The following CSMD3 variants were observed in gnomAD, a reference collection of about 807,000 sequenced individuals.
The protein encoded by CSMD3 is CUB and Sushi multiple domains 3, also known as CUB and sushi domain-containing protein 3.
In CSMD3, 177 loss-of-function variants were observed where a neutral mutation model predicts 435.2. That is an observed-to-expected ratio of 0.41 (90% confidence interval 0.36 to 0.46). The LOEUF (loss-of-function observed/expected upper bound fraction) is 0.46, where lower values mean the gene tolerates loss of function less well. Ranked by LOEUF, CSMD3 falls within the 20% of genes least tolerant of loss-of-function variation. CSMD3 has a pLI of 0.34. For missense variants in CSMD3, 4,265 were observed against 4,504.6 expected (o/e 0.95, Z 1.52); for synonymous variants, 1,656 against 1,520.5 (o/e 1.09, Z -2.07).
At chr8:113,018,983 G>C in intron 6 of CSMD3, 84 bp downstream of exon 6, 2 of 917,822 alleles carry the variant, frequency 2.2e-6, no homozygotes, top group Non-Finnish European at 3.6e-6. Context: ...AAATGCTAAA[G>C]ACATTTTTCT....
At chr8:113,073,279 C>A (rs140289964) in intron 5 of CSMD3, among the ~76,000 whole-genome samples, 209 of 151,850 alleles carry the variant, frequency 1.4e-3, no homozygotes, top group African/African-American at 4.9e-3. Flanking sequence ...TAAGTCAATA[C>A]AGTGACTTTT....
At chr8:113,208,853 C>A (rs2092800801) in intron 3 of CSMD3, among the ~76,000 whole-genome samples, 1 of 151,868 alleles carries the variant, frequency 6.6e-6, no homozygotes, top group Admixed American at 6.6e-5. Flanking sequence ...TGTTTATACA[C>A]TTAAGTTGAT....
intron 58 of CSMD3, among the ~76,000 whole-genome samples, chr8:112,285,890 T>C (rs1819148071): frequency 6.6e-6 from 1 of 151,910 alleles, no homozygotes; most frequent in Non-Finnish European, 1.5e-5. Context: ...GGCTAATTTT[T>C]AAGATTTTTG....
intron 8 of CSMD3, among the ~76,000 whole-genome samples, chr8:112,948,849 C>T (rs2083705822): frequency 6.6e-6 from 1 of 151,900 alleles, no homozygotes; most frequent in Admixed American, 6.6e-5. Context: ...CTACTTCTAC[C>T]TCTAGATATT....
chr8:112,815,074 G>A (rs2079335309), intron 12 of CSMD3, among the ~76,000 whole-genome samples: 5 of 151,192 alleles, frequency 3.3e-5, no homozygotes, highest in Admixed American at 2.6e-4. Flanking sequence ...CTAAAATGAC[G>A]ATGATTAGAA....
rs71309788 is a variant in CSMD3 at position 112,747,962 on chromosome 8, C to CAAAAAAAA, written c.1972+52192_1972+52199dup. On this transcript the variant is annotated intron_variant, in intron 13 of 70. Transcript: ENST00000297405. The stretch of plus-strand genomic sequence containing the variant: ...TGGGCGACAGAACAAGACTCCGTCT[C>CAAAAAAAA]AAAAAAAAAAAAAAAAAAAAAAAAC... Among the ~76,000 whole-genome samples the CAAAAAAAA allele has an allele frequency of 1.3e-3, 127 of 96,732 alleles. 3 individuals are homozygous for CAAAAAAAA. Among genetic ancestry groups the CAAAAAAAA allele is most frequent in the African/African-American group, 4.6e-3 (120 of 25,970 alleles). The allele number at this position is 96,732 out of a possible 152,430, so 63.5% of individuals were successfully genotyped here. A position where few individuals can be genotyped will look rare whatever the true frequency, so the allele number is the denominator to read the frequency against.
chr8:113,167,956 T>C (rs1355766540), intron 4 of CSMD3, among the ~76,000 whole-genome samples: 1 of 152,176 alleles, frequency 6.6e-6, no homozygotes, highest in African/African-American at 2.4e-5. Flanking sequence ...TAAAACATTT[T>C]CTGAAATAAT....
chr8:113,057,920 G>A (rs1434640297), intron 5 of CSMD3, among the ~76,000 whole-genome samples: 6 of 151,656 alleles, frequency 4.0e-5, no homozygotes, highest in Admixed American at 1.3e-4. Context: ...ATTGTAATAC[G>A]TGTCCTAAAT....
intron 23 of CSMD3, among the ~76,000 whole-genome samples, chr8:112,583,533 A>G (rs7832120): frequency 0.012 from 1,756 of 152,066 alleles, 35 homozygotes; most frequent in African/African-American, 0.04. Flanking sequence ...CTGCAGTGTC[A>G]AGTGAAATCC....
intron 1 of CSMD3, among the ~76,000 whole-genome samples, chr8:113,387,971 G>A (rs1459082272): frequency 6.6e-6 from 1 of 151,610 alleles, no homozygotes; most frequent in Non-Finnish European, 1.5e-5. Context: ...TCAGGGAGAA[G>A]AACCAGAAGC....
intron 46 of CSMD3, among the ~76,000 whole-genome samples, chr8:112,319,330 C>A (rs868397256): frequency 2.6e-5 from 4 of 151,888 alleles, no homozygotes; most frequent in Non-Finnish European, 5.9e-5. Context: ...GTGTCTCAAC[C>A]AAAATCAATA....
At chr8:113,300,444 G>C (rs1057034789) in intron 2 of CSMD3, among the ~76,000 whole-genome samples, 1 of 152,116 alleles carries the variant, frequency 6.6e-6, no homozygotes, top group African/African-American at 2.4e-5. Context: ...ACCTAAGCAT[G>C]CATCAACAGT....
Position 113,288,117 on chromosome 8 carries a change from TAGATA to T in CSMD3, c.402-9418_402-9414del, listed in dbSNP as rs530856306. On this transcript the variant is annotated intron_variant, in intron 2 of 70. Transcript: ENST00000297405. ...GTTACAGTAATATGCAAATAATTCT[TAGATA>T]AGATGATATTGACAGTATATTCTTA... Among the ~76,000 whole-genome samples, 10 of 152,014 alleles carry T rather than the reference TAGATA, an allele frequency of 6.6e-5. No individual in the cohort carries two copies. The South Asian group carries it at 2.1e-3, about 31-fold the overall frequency.
At chr8:113,361,265 T>C (rs1588598123) in intron 1 of CSMD3, among the ~76,000 whole-genome samples, 1 of 152,168 alleles carries the variant, frequency 6.6e-6, no homozygotes, top group Non-Finnish European at 1.5e-5. Flanking sequence ...TTAAATTCAG[T>C]GCTCATACAT....
intron 10 of CSMD3, among the ~76,000 whole-genome samples, chr8:112,894,320 G>A (rs905836734): frequency 2.0e-5 from 3 of 151,492 alleles, no homozygotes; most frequent in African/African-American, 7.3e-5. Context: ...AGAGTGGAAT[G>A]TGAAACCCAT....
intron 47 of CSMD3, among the ~76,000 whole-genome samples, chr8:112,316,566 C>G (rs1477230480): frequency 6.6e-6 from 1 of 151,582 alleles, no homozygotes; most frequent in African/African-American, 2.4e-5. Context: ...TGACAGCCAC[C>G]AAGAATAACA....
chr8:113,083,454 G>GC (rs1000318652), intron 5 of CSMD3, among the ~76,000 whole-genome samples: 1 of 151,934 alleles, frequency 6.6e-6, no homozygotes, highest in Non-Finnish European at 1.5e-5. Flanking sequence ...TCTTTCCCAA[G>GC]CAAGCAGAAA....
chr8:113,322,642 T>C (rs56340334), intron 1 of CSMD3, among the ~76,000 whole-genome samples: 1 of 152,170 alleles, frequency 6.6e-6, no homozygotes, highest in African/African-American at 2.4e-5. Flanking sequence ...AAAATTTTGA[T>C]TGGGATTATT....
chr8:112,855,194 A>T (rs540218177), intron 11 of CSMD3, among the ~76,000 whole-genome samples: 135 of 152,300 alleles, frequency 8.9e-4, no homozygotes, highest in Admixed American at 1.2e-3. Flanking sequence ...GATGCAGCTC[A>T]CATTCCATTT....
Sources: gnomAD v4.1 joint callset for allele counts (sites outside exome capture counted in the v4.1 genomes callset) on GRCh38, gnomAD v4.1.1 for gene constraint, MANE v1.5 for transcripts, NCBI Gene and HGNC (gene_info 2026-07-23, HGNC 2026-07-21) for gene names.